BRD2: variants seen among roughly 807,000 people sequenced by gnomAD.
BRD2 encodes the protein bromodomain-containing protein 2.
Under a neutral mutation model 79.1 loss-of-function variants are expected in BRD2, and 15 were observed. That is an observed-to-expected ratio of 0.19 (90% confidence interval 0.13 to 0.29). The LOEUF is 0.29. BRD2 is among the 10% of genes least tolerant of loss of function. BRD2 has a pLI of 1.00. For missense variants in BRD2, 1,053 were observed against 991.3 expected, an observed-to-expected ratio of 1.06 and a Z score of -0.84; for synonymous variants, 488 against 358.6, an observed-to-expected ratio of 1.36 and a Z score of -4.08.
chr6:32,979,018 T>C (rs943011009), intron 10 of BRD2: 3 of 152,858 alleles, frequency 2.0e-5, no homozygotes, highest in African/African-American at 7.3e-5. Flanking sequence ...CGTAGTAGTT[T>C]TTGGTTTTTT....
At chr6:32,977,632 C>T (rs528631274) in intron 8 of BRD2, 62 bp downstream of exon 8, 3 of 1,604,390 alleles carry the variant, frequency 1.9e-6, no homozygotes, top group African/African-American at 2.7e-5. Flanking sequence ...GTCATGTGTG[C>T]TGCATAGCCT....
In BRD2 at chr6:32,972,811, G is replaced by T; in HGVS notation, c.-88G>T. ...AGAGGAACGGCCTCCCCCCAACTTA[G>T]CGGGTTATGCTGGACCGGGCGGTGA... On this transcript the variant is annotated 5_prime_UTR_variant, in exon 2 of 13. Transcript: ENST00000374825. 3.1e-6 allele frequency: 5 copies of T among 1,599,886 alleles called. No individual in the cohort carries two copies. Among genetic ancestry groups the T allele is most frequent in the Non-Finnish European group, 4.3e-6 (5 of 1,170,980 alleles).
chr6:32,973,566 G>C (rs1778321081), intron 2 of BRD2, among the ~76,000 whole-genome samples: 1 of 152,172 alleles, frequency 6.6e-6, no homozygotes, highest in South Asian at 2.1e-4. Flanking sequence ...TAAACAATGA[G>C]ATTCCCATAT....
chr6:32,976,204 A>G (rs201338143), intron 5 of BRD2, 35 bp downstream of exon 5: 3 of 1,586,080 alleles, frequency 1.9e-6, no homozygotes, highest in South Asian at 2.3e-5. Context: ...ATGGACAACT[A>G]AAGATGGGGA....
Position 32,971,852 on chromosome 6 carries a change from G to T in BRD2, c.-1047G>T. 2.9e-6 allele frequency: 2 copies of T among 695,242 alleles called. No homozygotes were observed. The highest frequency in any genetic ancestry group is 5.2e-6 in the Non-Finnish European group (2 of 381,356). 43.1% of individuals were successfully genotyped at this position (695,242 alleles called of 1,614,324 possible). Reference sequence around the variant, plus strand: ...TGGAGGCTCTGGGGCGATGGCTTCCGCACCTCTTCCAACCACCCTCTTTCC... The same window carrying T: ...TGGAGGCTCTGGGGCGATGGCTTCCTCACCTCTTCCAACCACCCTCTTTCC... On this transcript the variant is annotated 5_prime_UTR_variant, in exon 2 of 13. Transcript: ENST00000374825.
chr6:32,975,433 G>A lies in BRD2; in HGVS notation c.383G>A (p.Arg128Lys). 1 of 1,611,394 alleles carries A rather than the reference G, an allele frequency of 6.2e-7. No homozygotes were observed. Among genetic ancestry groups the A allele is most frequent in the South Asian group, 1.1e-5 (1 of 91,052 alleles). Residue 128 changes from arginine (R) to lysine (K), a missense_variant, in exon 4 of 13, where the codon AGG (arginine) becomes AAG (lysine). By Grantham distance (26) the Arg-to-Lys change is conservative. Transcript: ENST00000374825. ...KQPMDMGTIK[R>K]RLENNYYWAA... is the part of the protein sequence containing the mutation. Reference sequence around the variant, plus strand: ...CCTATGGACATGGGTACTATTAAGAGGAGACTTGAAAACAATTATTATTGG... The same window carrying A: ...CCTATGGACATGGGTACTATTAAGAAGAGACTTGAAAACAATTATTATTGG...
chr6:32,974,416 TC>T (rs1778439493), intron 2 of BRD2, 45 bp from the exon 3 acceptor site: 2 of 1,565,788 alleles, frequency 1.3e-6, no homozygotes, highest in South Asian at 1.2e-5. Flanking sequence ...ATGCACTTTT[TC>T]CTCATTTGGA....
intron 4 of BRD2, 26 bp from the exon 5 acceptor site, chr6:32,976,002 TTTC>T: frequency 1.3e-6 from 2 of 1,576,058 alleles, no homozygotes; most frequent in Non-Finnish European, 1.7e-6. Flanking sequence ...ATTTTTTAAC[TTTC>T]TTTATTGCTG....
At position 32,972,881 on chromosome 6, in the gene BRD2, C is replaced by T. The variant is rs1456013037; in HGVS notation, c.-18C>T. The T allele has an allele frequency of 6.2e-7, 1 of 1,614,026 alleles. No individual in the cohort carries two copies. The highest frequency in any genetic ancestry group is 8.5e-7 in the Non-Finnish European group (1 of 1,179,972). ...GACTTTCCGCGGCTGAGGGCAGCGC[C>T]GGTTCCTTGCGGTCAAGATGCTGCA... On this transcript the variant is annotated 5_prime_UTR_variant, in exon 2 of 13. Transcript: ENST00000374825.
chr6:32,972,742 G>C lies in BRD2; in HGVS notation c.-157G>C, dbSNP rs1778184006. 5 of 1,133,468 alleles carry C rather than the reference G, an allele frequency of 4.4e-6. No homozygotes were observed. In the Middle Eastern group the frequency reaches 7.4e-4, roughly 168 times the overall value. The allele number at this position is 1,133,468 out of a possible 1,614,324, so 70.2% of individuals were successfully genotyped here. A position where few individuals can be genotyped will look rare whatever the true frequency, so the allele number is the denominator to read the frequency against. On this transcript the variant is annotated 5_prime_UTR_variant, in exon 2 of 13. Coordinates refer to ENST00000374825, the MANE Select transcript of BRD2 (RefSeq NM_005104.4). ...CTCTCCGAGAGGCCCCAAAGAGACT[G>C]CTTTCGTGCCGGCCAGGCAGGGGGT... is the stretch of plus-strand genomic sequence containing the variant.
intron 1 of BRD2, chr6:32,969,298 G>T: frequency 1.4e-6 from 1 of 714,298 alleles, no homozygotes; most frequent in Non-Finnish European, 2.6e-6. Context: ...GTTAGGGGGC[G>T]GTGTGGCCCC....
At chr6:32,979,669 C>G (rs1779274137) in intron 10 of BRD2, 159 bp from the exon 11 acceptor site, 1 of 783,250 alleles carries the variant, frequency 1.3e-6, no homozygotes, top group African/African-American at 1.8e-5. Context: ...CTCTGTTTCA[C>G]TATACAGTGT....
rs550163267 is a variant in BRD2 at position 32,971,690 on chromosome 6, G to C, written c.-1209G>C. The C allele has an allele frequency of 9.7e-6, 5 of 515,076 alleles. No individual in the cohort carries two copies. The highest frequency in any genetic ancestry group is 6.0e-5 in the African/African-American group (3 of 49,830). The allele number at this position is 515,076 out of a possible 1,614,324, so 31.9% of individuals were successfully genotyped here. A position where few individuals can be genotyped will look rare whatever the true frequency, so the allele number is the denominator to read the frequency against. ...GGGTTCAGGCAGGCTACGCCCACGC[G>C]ACCCCTCCCGTTTCCCTGCTTTGGC... On this transcript the variant is annotated 5_prime_UTR_variant, in exon 2 of 13. Coordinates refer to ENST00000374825, the MANE Select transcript of BRD2 (RefSeq NM_005104.4).
intron 10 of BRD2, chr6:32,978,651 G>A (rs1779096655): frequency 5.1e-6 from 3 of 588,920 alleles, no homozygotes. Flanking sequence ...GGAGCATGCA[G>A]CCTGGATATG....
In BRD2 at chr6:32,974,620, C is replaced by T. The variant is rs770992353; in HGVS notation, c.188C>T (p.Pro63Leu). The T allele has an allele frequency of 6.2e-7, 1 of 1,614,232 alleles. No homozygotes were observed. The highest frequency in any genetic ancestry group is 1.7e-5 in the Admixed American group (1 of 60,030). The stretch of plus-strand genomic sequence containing the variant: ...CAACTTACCCCTGCCAACCCACCAC[C>T]CCCGGAGGTGTCCAATCCCAAAAAG... ...ALQLTPANPP[P>L]PEVSNPKKPG... The change falls in exon 3 of 13, where the codon CCC (proline) becomes CTC (leucine). Residue 63 changes from proline to leucine, a missense_variant. Coordinates refer to ENST00000374825, the MANE Select transcript of BRD2 (RefSeq NM_005104.4).
At position 32,968,664 on chromosome 6, in the gene BRD2, T is replaced by A. The variant is rs9276935; in HGVS notation, c.-1697T>A. 1 of 153,278 alleles carries A rather than the reference T, an allele frequency of 6.5e-6. No homozygotes were observed. The highest frequency in any genetic ancestry group is 1.5e-5 in the Non-Finnish European group (1 of 68,750). The allele number at this position is 153,278 out of a possible 1,614,324, so 9.5% of individuals were successfully genotyped here. A position where few individuals can be genotyped will look rare whatever the true frequency, so the allele number is the denominator to read the frequency against. On this transcript the variant is annotated 5_prime_UTR_variant, in exon 1 of 13. Coordinates refer to ENST00000374825, the MANE Select transcript of BRD2 (RefSeq NM_005104.4). Reference sequence around the variant, plus strand: ...GAGTGGGGGGGACAGAGTCCAGGACTGCGGGATAGGAAGCTGGGGATATGG... The same window carrying A: ...GAGTGGGGGGGACAGAGTCCAGGACAGCGGGATAGGAAGCTGGGGATATGG...
rs1158121834 is a variant in BRD2, at chr6:32,972,588, TGAC to T, written c.-306_-304del. On this transcript the variant is annotated 5_prime_UTR_variant, in exon 2 of 13. Coordinates refer to ENST00000374825, the MANE Select transcript of BRD2 (RefSeq NM_005104.4). ...CCTGCAGACCAACAGCGGGCTATATTGACGACGGTGTCTGAGATCGGGGACCGT... is the reference window on the plus strand; with the variant it reads ...CCTGCAGACCAACAGCGGGCTATATTGACGGTGTCTGAGATCGGGGACCGT... 1 of 537,234 alleles carries T rather than the reference TGAC, an allele frequency of 1.9e-6. No individual in the cohort carries two copies. Among genetic ancestry groups the T allele is most frequent in the East Asian group, 3.2e-5 (1 of 30,802 alleles). The allele number at this position is 537,234 out of a possible 1,614,324, so 33.3% of individuals were successfully genotyped here.
intron 1 of BRD2, among the ~76,000 whole-genome samples, chr6:32,969,950 G>A (rs1290451952): frequency 2.0e-5 from 3 of 152,186 alleles, no homozygotes; most frequent in Non-Finnish European, 4.4e-5. Context: ...AAGGAGGAAA[G>A]AGTTACTTTC....
Position 32,976,772 on chromosome 6 carries a change from C to T in BRD2, c.1036C>T (p.Leu346Phe), listed in dbSNP as rs1260721409. Residue 346 changes from leucine (L) to phenylalanine (F), a missense_variant, in exon 7 of 13, where the codon CTT (leucine) becomes TTT (phenylalanine). Physicochemically the swap from Leu to Phe is conservative, Grantham distance 22. Around this residue, in one of 5 missense-constraint regions of BRD2, gnomAD observed 454 missense variants for 430.5 expected, o/e 1.05. Coordinates refer to ENST00000374825, the MANE Select transcript of BRD2 (RefSeq NM_005104.4). ...ACACCAGAGCTCTAAGAAAGGAAAG[C>T]TTTCAGAACAGTTAAAACATTGCAA... is the stretch of plus-strand genomic sequence containing the variant. ...QQHQSSKKGK[L>F]SEQLKHCNGI... is the part of the protein sequence containing the mutation. 1.9e-6 allele frequency: 3 copies of T among 1,613,300 alleles called. No homozygotes were observed. Among genetic ancestry groups the T allele is most frequent in the Non-Finnish European group, 2.5e-6 (3 of 1,180,036 alleles).
Sources: gnomAD v4.1 joint callset for allele counts (sites outside exome capture counted in the v4.1 genomes callset) on GRCh38, gnomAD v4.1.1 for gene constraint, gnomAD v4.1.1 regional missense constraint, MANE v1.5 for transcripts, NCBI Gene and HGNC (gene_info 2026-07-23, HGNC 2026-07-21) for gene names.